ARK2N: variants seen among roughly 807,000 people sequenced by gnomAD.
ARK2N encodes the protein arkadia (RNF111) N-terminal like PKA signaling regulator 2N, also known as protein ARK2N.
the ARK2N span, chr18:46,216,147 C>G: frequency 6.2e-7 from 1 of 1,614,010 alleles, no homozygotes; most frequent in South Asian, 1.1e-5. The surrounding 1 kb of genome is among the most constrained non-coding windows in gnomAD (Gnocchi z 4.3). Context: ...AGAGTGACTC[C>G]TCTAATCACT....
chr18:46,259,900 C>A, the ARK2N span, among the ~76,000 whole-genome samples: 37 of 101,098 alleles, frequency 3.7e-4, 9 homozygotes, highest in East Asian at 1.2e-3. Context: ...TGTGTGTGTG[C>A]GACAGAGATG....
the ARK2N span, among the ~76,000 whole-genome samples, chr18:46,213,054 T>G: frequency 7.5e-6 from 1 of 133,710 alleles, no homozygotes; most frequent in Non-Finnish European, 1.5e-5. Flanking sequence ...CAGGCTGGAG[T>G]GCAGTGGCGG....
the ARK2N span, among the ~76,000 whole-genome samples, chr18:46,202,851 C>A: frequency 1 from 152,038 of 152,042 alleles, 76,017 homozygotes; most frequent in Middle Eastern, 1. Flanking sequence ...TATTCCTGCC[C>A]ATTTCTTTTC....
the ARK2N span, among the ~76,000 whole-genome samples, chr18:46,183,558 C>T: frequency 6.6e-6 from 1 of 152,224 alleles, no homozygotes; most frequent in East Asian, 1.9e-4. Flanking sequence ...AATGGGGCAT[C>T]CTCTCTCATC....
chr18:46,245,359 A>G, the ARK2N span, among the ~76,000 whole-genome samples: 1 of 152,114 alleles, frequency 6.6e-6, no homozygotes, highest in African/African-American at 2.4e-5. Context: ...CGAGGTCAGG[A>G]GTTCGAGACC....
At chr18:46,243,161 A>G in the ARK2N span, among the ~76,000 whole-genome samples, 6 of 152,206 alleles carry the variant, frequency 3.9e-5, no homozygotes, top group Admixed American at 2.6e-4. Context: ...TGATGTGATT[A>G]TCATAGTGGA....
chr18:46,177,174 A>G, the ARK2N span, among the ~76,000 whole-genome samples: 1 of 152,210 alleles, frequency 6.6e-6, no homozygotes, highest in Non-Finnish European at 1.5e-5. Flanking sequence ...AGGCAAAATG[A>G]AGTACATATG....
At chr18:46,218,632 C>A in the ARK2N span, 1 of 152,174 alleles carries the variant, frequency 6.6e-6, no homozygotes, top group Non-Finnish European at 1.5e-5. Flanking sequence ...ATATTGTTGT[C>A]TCTTGAAAAA....
At chr18:46,215,967 G>A in the ARK2N span, 3 of 1,614,160 alleles carry the variant, frequency 1.9e-6, no homozygotes, top group Non-Finnish European at 2.5e-6. Context: ...AGACAGCCAA[G>A]GAGGAAGATG....
chr18:46,187,714 C>A, the ARK2N span, among the ~76,000 whole-genome samples: 2 of 152,270 alleles, frequency 1.3e-5, no homozygotes, highest in South Asian at 4.1e-4. Flanking sequence ...CTCTTGACTT[C>A]AGTTTATTTA....
chr18:46,221,429 G>A, the ARK2N span, among the ~76,000 whole-genome samples: 2 of 150,670 alleles, frequency 1.3e-5, no homozygotes, highest in South Asian at 2.1e-4. Flanking sequence ...GTGTGGTGGC[G>A]CGCGTCTGTA....
At chr18:46,175,715 C>A in the ARK2N span, among the ~76,000 whole-genome samples, 1 of 152,188 alleles carries the variant, frequency 6.6e-6, no homozygotes, top group African/African-American at 2.4e-5. Context: ...GTTGGCCAAG[C>A]TGGTCTTGAC....
chr18:46,174,598 C>T, the ARK2N span, among the ~76,000 whole-genome samples: 1 of 152,098 alleles, frequency 6.6e-6, no homozygotes, highest in Non-Finnish European at 1.5e-5. Context: ...CCCGGCCCGG[C>T]GGAGTTGGCT....
the ARK2N span, among the ~76,000 whole-genome samples, chr18:46,191,174 G>GA: frequency 1.3e-5 from 2 of 151,576 alleles, no homozygotes; most frequent in Non-Finnish European, 2.9e-5. Flanking sequence ...TCAGTATTGA[G>GA]AAAAAAAATT....
the ARK2N span, among the ~76,000 whole-genome samples, chr18:46,235,146 G>T: frequency 6.6e-6 from 1 of 152,188 alleles, no homozygotes; most frequent in African/African-American, 2.4e-5. Context: ...GCTCTTGTAG[G>T]CAAGATGATG....
the ARK2N span, among the ~76,000 whole-genome samples, chr18:46,250,514 A>ACACACACACACACACACACACACC: frequency 6.6e-6 from 1 of 151,306 alleles, no homozygotes; most frequent in Non-Finnish European, 1.5e-5. Flanking sequence ...ACACACACAC[A>ACACACACACACACACACACACACC]CAGTATTTTC....
At chr18:46,253,144 A>G in the ARK2N span, among the ~76,000 whole-genome samples, 2 of 152,224 alleles carry the variant, frequency 1.3e-5, no homozygotes, top group African/African-American at 4.8e-5. Context: ...GTTTCTTTAG[A>G]GAGGACATGT....
At chr18:46,248,563 T>TA in the ARK2N span, among the ~76,000 whole-genome samples, 6 of 152,184 alleles carry the variant, frequency 3.9e-5, no homozygotes, top group Non-Finnish European at 8.8e-5. Context: ...GGCTTTTCTA[T>TA]ACTCTTTATT....
the ARK2N span, chr18:46,262,986 G>A: frequency 1.7e-5 from 27 of 1,614,052 alleles, no homozygotes; most frequent in South Asian, 2.2e-5. Flanking sequence ...AGCATGGCTC[G>A]GGCACGCAGT....
Sources: gnomAD v4.1 joint callset for allele counts (sites outside exome capture counted in the v4.1 genomes callset) on GRCh38, gnomAD v4.1.1 for gene constraint, Gnocchi (gnomAD v3.1) non-coding constraint, MANE v1.5 for transcripts, NCBI Gene and HGNC (gene_info 2026-07-23, HGNC 2026-07-21) for gene names.